Variants in SRSF1 observed in about 807,000 individuals in gnomAD.
The protein encoded by SRSF1 is serine/arginine-rich splicing factor 1.
A neutral mutation model predicts 25.9 loss-of-function variants in SRSF1; 1 was observed. The ratio of observed to expected loss-of-function variants is 0.04; its 90% confidence interval spans 0.01 to 0.18. SRSF1 has a LOEUF of 0.18. Ranked by LOEUF, SRSF1 falls within the 10% of genes least tolerant of loss-of-function variation. The probability of loss-of-function intolerance (pLI) is 1.00; values close to 1 mark genes in which losing one functional copy is unlikely to be tolerated. For synonymous variants in SRSF1, 132 were observed against 126.2 expected (o/e 1.05, Z -0.31); for missense variants, 65 against 350.5 (o/e 0.19, Z 6.50).
Position 58,003,158 on chromosome 17 carries a change from T to C in SRSF1, c.*2248A>G, listed in dbSNP as rs559039072. 6.6e-6 allele frequency among the ~76,000 whole-genome samples: 1 copy of C among 152,300 alleles called. No homozygotes were observed. Among genetic ancestry groups the C allele is most frequent in the East Asian group, 1.9e-4 (1 of 5,194 alleles). On this transcript the variant is annotated 3_prime_UTR_variant, in exon 4 of 4. Transcript: ENST00000258962. ...AACCAATTTTGCACAAAAGCCTATG[T>C]TGTCTATGACCACCAGAAAATAAGC...
chr17:58,006,267 T>C, intron 2 of SRSF1, 76 bp downstream of exon 2: 1 of 1,508,028 alleles, frequency 6.6e-7, no homozygotes, highest in Non-Finnish European at 8.9e-7. Context: ...TTGCAATTAT[T>C]AAACCTGTCA....
rs2075388374 is a variant in SRSF1, at chr17:58,001,289, A to G, written c.*4117T>C. Among the ~76,000 whole-genome samples, 1 of 152,210 alleles carries G rather than the reference A, an allele frequency of 6.6e-6. No homozygotes were observed. The highest frequency in any genetic ancestry group is 6.5e-5 in the Admixed American group (1 of 15,286). ...CACCAAGAAAAGTTGAGATTCTACA[A>G]TAAATCATATTAAACGCAAGCACTA... On this transcript the variant is annotated 3_prime_UTR_variant, in exon 4 of 4. Coordinates refer to ENST00000258962, the MANE Select transcript of SRSF1 (RefSeq NM_006924.5).
At position 58,005,532 on chromosome 17, in the gene SRSF1, A is replaced by C; in HGVS notation, c.621T>G (p.Ser207=). The change falls in exon 4 of 4, where the codon TCT becomes TCG. Residue 207 remains serine, a synonymous_variant. Coordinates refer to ENST00000258962, the MANE Select transcript of SRSF1 (RefSeq NM_006924.5). The surrounding 1 kb of genome is among the most constrained non-coding windows in gnomAD (Gnocchi z 5.2). The part of the protein sequence containing the change: ...PRSPSYGRSR[S]RSRSRSRSRS... Reference sequence around the variant, plus strand: ...GGCTTCTGCTACGACTACGGCTTCGAGATCGAGATCTTCCATAACTTGGAC... The same window carrying C: ...GGCTTCTGCTACGACTACGGCTTCGCGATCGAGATCTTCCATAACTTGGAC... 6.2e-7 allele frequency: 1 copy of C among 1,614,140 alleles called. No individual in the cohort carries two copies. The highest frequency in any genetic ancestry group is 8.5e-7 in the Non-Finnish European group (1 of 1,180,032).
chr17:58,006,022 C>A, intron 2 of SRSF1, 49 bp from the exon 3 acceptor site: 1 of 1,556,664 alleles, frequency 6.4e-7, no homozygotes, highest in Non-Finnish European at 8.7e-7. Context: ...TTAAATTTCA[C>A]GTTAAGCTGG....
At chr17:57,995,966 C>T (rs990043127), downstream of SRSF1, among the ~76,000 whole-genome samples, 1 of 152,082 alleles carries the variant, frequency 6.6e-6, no homozygotes, top group Non-Finnish European at 1.5e-5. Context: ...CAGAGCAAGA[C>T]CCTGTCTCTA....
chr17:57,998,278 G>A (rs549364995), downstream of SRSF1, among the ~76,000 whole-genome samples: 3 of 152,170 alleles, frequency 2.0e-5, no homozygotes, highest in Non-Finnish European at 4.4e-5. Flanking sequence ...TTCTACCACC[G>A]TTAAGGGTAG....
At chr17:57,993,197 TG>T in the SRSF1 span, 4 of 152,356 alleles carry the variant, frequency 2.6e-5, no homozygotes, top group Non-Finnish European at 5.9e-5. Flanking sequence ...GAGACCATCC[TG>T]GCTAACACGG....
the SRSF1 span, chr17:57,989,991 C>T: frequency 2.7e-6 from 1 of 368,016 alleles, no homozygotes; most frequent in South Asian, 1.5e-4. Flanking sequence ...AGCAAATCTG[C>T]TTCTTCCCTG....
Position 58,006,380 on chromosome 17 carries a change from G to C in SRSF1, c.342C>G (p.Pro114=), listed in dbSNP as rs2075427576. The change falls in exon 2 of 4, where the codon CCC becomes CCG. Residue 114 remains proline (P), a synonymous_variant. Transcript: ENST00000258962. ...CTCTGTTTTCAGACCGCCTGGATGG[G>C]GGGCCATAGCGACCTCGGGGAGCTC... is the stretch of plus-strand genomic sequence containing the variant. ...GGGAPRGRYG[P]PSRRSENRVV... is the part of the protein sequence containing the mutation. 6.2e-7 allele frequency: 1 copy of C among 1,612,916 alleles called. No homozygotes were observed. Among genetic ancestry groups the C allele is most frequent in the African/African-American group, 1.3e-5 (1 of 75,054 alleles).
Position 58,004,905 on chromosome 17 carries a change from T to C in SRSF1, c.*501A>G, listed in dbSNP as rs757691283. 16 of 400,382 alleles carry C rather than the reference T, an allele frequency of 4.0e-5. No individual in the cohort carries two copies. The highest frequency in any genetic ancestry group is 8.7e-5 in the Admixed American group (2 of 23,002). The allele number at this position is 400,382 out of a possible 1,614,324, so 24.8% of individuals were successfully genotyped here. On this transcript the variant is annotated 3_prime_UTR_variant, in exon 4 of 4. Transcript: ENST00000258962. ...ATACTGCCAATTTCATCTGTGACAA[T>C]AGCACTTGGAGTCATACCATTGCCT...
At position 58,005,344 on chromosome 17, in the gene SRSF1, T is replaced by C. The variant is rs747772404; in HGVS notation, c.*62A>G. On this transcript the variant is annotated 3_prime_UTR_variant, in exon 4 of 4. Transcript: ENST00000258962. This position sits in a 1 kb window ranked among gnomAD's most constrained non-coding sequence, Gnocchi z 5.2. ...CAGTTTGAATTAAAAAATGAAAAGA[T>C]TGTACTGAATAAAGGAAAACTGTAT... 2.5e-5 allele frequency: 39 copies of C among 1,558,978 alleles called. No individual in the cohort carries two copies. Among genetic ancestry groups the C allele is most frequent in the Non-Finnish European group, 3.2e-5 (36 of 1,140,492 alleles).
the SRSF1 span, chr17:57,989,912 A>G: frequency 5.0e-6 from 2 of 396,486 alleles, no homozygotes; most frequent in Non-Finnish European, 8.9e-6. Flanking sequence ...TTAACTAAGT[A>G]AACTAAAACC....
At chr17:57,996,828 C>G (rs2075367309), downstream of SRSF1, among the ~76,000 whole-genome samples, 1 of 152,084 alleles carries the variant, frequency 6.6e-6, no homozygotes, top group Non-Finnish European at 1.5e-5. Context: ...AGACCAGGGT[C>G]AGGGTCCTAA....
chr17:58,007,237 C>T lies in SRSF1; in HGVS notation c.-100G>A, dbSNP rs924123034. On this transcript the variant is annotated 5_prime_UTR_variant, in exon 1 of 4. Transcript: ENST00000258962. ...CGGCACCACGTCTCCCGCGGCCCCT[C>T]CAAAATGGCGCCTTTATCAGCTCGG... is the stretch of plus-strand genomic sequence containing the variant. 2 of 1,384,600 alleles carry T rather than the reference C, an allele frequency of 1.4e-6. No homozygotes were observed. The highest frequency in any genetic ancestry group is 2.0e-6 in the Non-Finnish European group (2 of 1,006,228). The allele number at this position is 1,384,600 out of a possible 1,614,324, so 85.8% of individuals were successfully genotyped here.
At chr17:57,991,352 G>A in the SRSF1 span, 3 of 152,184 alleles carry the variant, frequency 2.0e-5, no homozygotes, top group Non-Finnish European at 2.9e-5. Context: ...GGAAAAGAAA[G>A]TATCTCTGCC....
chr17:58,006,571 G>A (rs779473285), intron 1 of SRSF1, 44 bp from the exon 2 acceptor site: 2 of 1,568,526 alleles, frequency 1.3e-6, no homozygotes, highest in South Asian at 1.2e-5. Flanking sequence ...ACACCAGGAG[G>A]AGAAGCTCGC....
chr17:57,992,249 A>C, the SRSF1 span: 1 of 152,212 alleles, frequency 6.6e-6, no homozygotes, highest in African/African-American at 2.4e-5. Flanking sequence ...AACTAAGACA[A>C]GTCAAAAATA....
the SRSF1 span, chr17:57,989,423 C>CT: frequency 1.5e-5 from 6 of 397,632 alleles, no homozygotes; most frequent in South Asian, 1.4e-4. Flanking sequence ...TATTTTAAGA[C>CT]TTTAACATTT....
Position 58,004,289 on chromosome 17 carries a change from G to GT in SRSF1, c.*1116dup, listed in dbSNP as rs1285988937. ...AGGTTTCGTGGTTGCAAGAAGTTAC[G>GT]TAATTTAAGTTTACTGGCATTGCTA... On this transcript the variant is annotated 3_prime_UTR_variant, in exon 4 of 4. Coordinates refer to ENST00000258962, the MANE Select transcript of SRSF1 (RefSeq NM_006924.5). 2 of 152,576 alleles carry GT rather than the reference G, an allele frequency of 1.3e-5. No individual in the cohort carries two copies. The highest frequency in any genetic ancestry group is 6.5e-5 in the Admixed American group (1 of 15,284). 9.5% of individuals were successfully genotyped at this position (152,576 alleles called of 1,614,324 possible).
Sources: gnomAD v4.1 joint callset for allele counts (sites outside exome capture counted in the v4.1 genomes callset) on GRCh38, gnomAD v4.1.1 for gene constraint, Gnocchi (gnomAD v3.1) non-coding constraint, MANE v1.5 for transcripts, NCBI Gene and HGNC (gene_info 2026-07-23, HGNC 2026-07-21) for gene names.